Variants in GLIS3 observed in about 807,000 individuals in gnomAD.
GLIS3 encodes GLIS family zinc finger 3.
Under a neutral mutation model 78.6 loss-of-function variants are expected in GLIS3, and 53 were observed. That is an observed-to-expected ratio of 0.67 (90% CI 0.54 to 0.85). The LOEUF is 0.85. Among genes scored for constraint, GLIS3 ranks in the 40% least tolerant of loss-of-function variants. The probability of loss-of-function intolerance (pLI) is 0.00; values close to 1 mark genes in which losing one functional copy is unlikely to be tolerated. For synonymous variants in GLIS3, 684 were observed against 509.9 expected (o/e 1.34, Z -4.60); for missense variants, 1,703 against 1,231.1 (o/e 1.38, Z -5.74).
chr9:3,952,023 C>G (rs1003092644), intron 4 of GLIS3, among the ~76,000 whole-genome samples: 9 of 151,862 alleles, frequency 5.9e-5, no homozygotes, highest in Admixed American at 3.3e-4. Context: ...GAGGGGAAAC[C>G]AGAAACTGCC....
intron 4 of GLIS3, among the ~76,000 whole-genome samples, chr9:4,010,115 G>A (rs1042762028): frequency 4.6e-5 from 7 of 152,092 alleles, no homozygotes; most frequent in African/African-American, 1.7e-4. Context: ...ATATCTCCAG[G>A]GATCTCCCCC....
intron 4 of GLIS3, among the ~76,000 whole-genome samples, chr9:4,058,819 A>C (rs1006247007): frequency 2.6e-5 from 4 of 152,026 alleles, no homozygotes; most frequent in Admixed American, 2.6e-4. Flanking sequence ...TCTCTACTAA[A>C]AAATACAAAA....
intron 4 of GLIS3, among the ~76,000 whole-genome samples, chr9:3,999,265 T>C (rs1036448352): frequency 6.6e-6 from 1 of 152,158 alleles, no homozygotes; most frequent in African/African-American, 2.4e-5. Context: ...GTTTCATATT[T>C]GTAGAGGTGT....
At chr9:4,147,664 T>TTCC (rs1554716074) in intron 2 of GLIS3, 1 of 151,734 alleles carries the variant, frequency 6.6e-6, no homozygotes, top group African/African-American at 2.4e-5. Flanking sequence ...AAACAATGAC[T>TTCC]CCCTTCAAGG....
At chr9:4,397,629 A>C in the GLIS3 span, among the ~76,000 whole-genome samples, 1 of 140,890 alleles carries the variant, frequency 7.1e-6, no homozygotes, top group Non-Finnish European at 1.5e-5. Flanking sequence ...AAAAGAAGAA[A>C]GGAAGGAAGA....
At chr9:4,275,536 G>A (rs1239970328) in intron 2 of GLIS3, among the ~76,000 whole-genome samples, 1 of 151,576 alleles carries the variant, frequency 6.6e-6, no homozygotes, top group East Asian at 1.9e-4. Flanking sequence ...GAGGTGGAAG[G>A]ATCGTTTGAG....
chr9:4,283,117 AC>A (rs1412749241), intron 2 of GLIS3, among the ~76,000 whole-genome samples: 1 of 151,818 alleles, frequency 6.6e-6, no homozygotes. Flanking sequence ...ACACACACAC[AC>A]ACAGGAATGC....
At chr9:3,860,769 G>A (rs1401534869) in intron 8 of GLIS3, among the ~76,000 whole-genome samples, 3 of 152,170 alleles carry the variant, frequency 2.0e-5, no homozygotes, top group Admixed American at 1.3e-4. Flanking sequence ...AACTTTCACT[G>A]AAGGTTCTAA....
At chr9:4,140,398 T>C (rs1473840435) in intron 2 of GLIS3, among the ~76,000 whole-genome samples, 2 of 152,176 alleles carry the variant, frequency 1.3e-5, no homozygotes, top group African/African-American at 4.8e-5. Flanking sequence ...TAATTTCCCA[T>C]TACTGTCCAA....
chr9:4,334,526 T>A (rs1012151272), intron 2 of GLIS3, among the ~76,000 whole-genome samples: 2 of 152,200 alleles, frequency 1.3e-5, no homozygotes, highest in African/African-American at 4.8e-5. Flanking sequence ...CTGGCTCTGT[T>A]TGCAGTGCCA....
chr9:3,991,880 C>T (rs182662325), intron 4 of GLIS3, among the ~76,000 whole-genome samples: 64 of 151,792 alleles, frequency 4.2e-4, no homozygotes, highest in Admixed American at 3.3e-3. Context: ...TTAGTAGAGA[C>T]GGGGTTTCAC....
At chr9:3,909,125 A>G (rs1431631536) in intron 6 of GLIS3, among the ~76,000 whole-genome samples, 2 of 152,246 alleles carry the variant, frequency 1.3e-5, no homozygotes, top group African/African-American at 4.8e-5. Context: ...AAGGAAAGAC[A>G]GTAGGATTTT....
chr9:3,898,734 C>T lies in GLIS3; in HGVS notation c.2085G>A (p.Gly695=), dbSNP rs749172684. The change falls in exon 7 of 11, where the codon GGG becomes GGA. Residue 695 remains glycine, a synonymous_variant. Coordinates refer to ENST00000381971, the MANE Select transcript of GLIS3 (RefSeq NM_001042413.2). ...ATSPRDAAAE[G]TVGRSPGPGP... Reference sequence around the variant, plus strand: ...CGGGTCCAGGGGAGCGTCCCACGGTCCCTTCAGCAGCAGCATCTCTAGGGG... The same window carrying T: ...CGGGTCCAGGGGAGCGTCCCACGGTTCCTTCAGCAGCAGCATCTCTAGGGG... The T allele has an allele frequency of 6.2e-7, 1 of 1,614,156 alleles. No homozygotes were observed. The highest frequency in any genetic ancestry group is 8.5e-7 in the Non-Finnish European group (1 of 1,180,014).
At position 3,837,937 on chromosome 9, in the gene GLIS3, T is replaced by G. The variant is rs28523320; in HGVS notation, c.2474-8445A>C. Among the ~76,000 whole-genome samples the G allele has an allele frequency of 7.5e-3, 1,120 of 149,302 alleles. 14 individuals are homozygous for G. Among genetic ancestry groups the G allele is most frequent in the African/African-American group, 0.026 (1,063 of 40,296 alleles). On this transcript the variant is annotated intron_variant, in intron 9 of 10. Transcript: ENST00000381971. ...GATGTGTCATTGTAGGTTTATTGAT[T>G]GTAACAAAGGCACCACTCTGGTGTG...
chr9:4,447,163 T>C, the GLIS3 span, among the ~76,000 whole-genome samples: 1 of 152,164 alleles, frequency 6.6e-6, no homozygotes, highest in Non-Finnish European at 1.5e-5. Flanking sequence ...TTCTCCCACC[T>C]TAGCCTCCCA....
rs183782755 is a variant in GLIS3 at position 3,907,729 on chromosome 9, T to G, written c.1984-8894A>C. Among the ~76,000 whole-genome samples, 5 of 152,122 alleles carry G rather than the reference T, an allele frequency of 3.3e-5. No individual in the cohort carries two copies. In the East Asian group the frequency reaches 9.7e-4, roughly 29 times the overall value. On this transcript the variant is annotated intron_variant, in intron 6 of 10. Transcript: ENST00000381971. ...TATGTTCCAGAGCTCCCTGTGGGATTGGGCTAGGCTGAGACTACCTGAATT... is the reference window on the plus strand; with the variant it reads ...TATGTTCCAGAGCTCCCTGTGGGATGGGGCTAGGCTGAGACTACCTGAATT...
At chr9:4,015,262 T>C (rs1257978327) in intron 4 of GLIS3, among the ~76,000 whole-genome samples, 1 of 152,162 alleles carries the variant, frequency 6.6e-6, no homozygotes, top group African/African-American at 2.4e-5. Context: ...TTGGTAGCAT[T>C]AGAGAATTGC....
chr9:4,388,334 T>A, the GLIS3 span, among the ~76,000 whole-genome samples: 21,346 of 151,826 alleles, frequency 0.14, 1,765 homozygotes, highest in East Asian at 0.26. Flanking sequence ...GCCATCCTCT[T>A]CTTGGGAGAA....
Position 4,063,463 on chromosome 9 carries a change from G to A in GLIS3, c.1710+54305C>T, listed in dbSNP as rs140948865. Among the ~76,000 whole-genome samples, 315 of 151,890 alleles carry A rather than the reference G, an allele frequency of 2.1e-3. 1 individual carries two copies. Among genetic ancestry groups the A allele is most frequent in the Middle Eastern group, 0.017 (5 of 294 alleles). On this transcript the variant is annotated intron_variant, in intron 4 of 10. Coordinates refer to ENST00000381971, the MANE Select transcript of GLIS3 (RefSeq NM_001042413.2). ...TTAAACATCTGAAAAATCTATTCAT[G>A]TAATTTAGCGCATTAACAGAATAAG...
Sources: gnomAD v4.1 joint callset for allele counts (sites outside exome capture counted in the v4.1 genomes callset) on GRCh38, gnomAD v4.1.1 for gene constraint, MANE v1.5 for transcripts, NCBI Gene and HGNC (gene_info 2026-07-23, HGNC 2026-07-21) for gene names.